The following AADACL4 variants were observed in gnomAD, a reference collection of about 807,000 sequenced individuals.
The protein encoded by AADACL4 is arylacetamide deacetylase like 4, also known as arylacetamide deacetylase-like 4.
Under a neutral mutation model 14.1 loss-of-function variants are expected in AADACL4, and 9 were observed. The ratio of observed to expected loss-of-function variants is 0.64; its 90% CI spans 0.39 to 1.12. The LOEUF is 1.12. Among genes scored for constraint, AADACL4 ranks in the 50% most tolerant of loss-of-function variants. The pLI is 0.01. For synonymous variants in AADACL4, 188 were observed against 201.6 expected, an observed-to-expected ratio of 0.93 and a Z score of 0.57; for missense variants, 531 against 516.1, an observed-to-expected ratio of 1.03 and a Z score of -0.28.
chr1:12,644,503 C>G lies in AADACL4; in HGVS notation c.-44C>G. ...GCCAGGTCCTCTTCACATAAGCTAT[C>G]AGACAAGCTCCTCAGGGCAGCAGCT... On this transcript the variant is annotated 5_prime_UTR_variant, in exon 1 of 4. The change creates a new upstream start codon in the 5' untranslated region. Coordinates refer to ENST00000376221, the MANE Select transcript of AADACL4 (RefSeq NM_001013630.2). 6.3e-7 allele frequency: 1 copy of G among 1,599,962 alleles called. No individual in the cohort carries two copies. Among genetic ancestry groups the G allele is most frequent in the South Asian group, 1.1e-5 (1 of 88,556 alleles).
At chr1:12,658,263 T>A (rs186882427) in intron 2 of AADACL4, among the ~76,000 whole-genome samples, 2 of 150,586 alleles carry the variant, frequency 1.3e-5, no homozygotes. Context: ...CCTTCCTTTT[T>A]CTTTCTTTCT....
chr1:12,665,575 C>G (rs899792264), intron 3 of AADACL4, among the ~76,000 whole-genome samples: 2 of 152,202 alleles, frequency 1.3e-5, no homozygotes, highest in Non-Finnish European at 2.9e-5. Flanking sequence ...TTCCTCTTGA[C>G]TTTAACTTTA....
intron 2 of AADACL4, among the ~76,000 whole-genome samples, chr1:12,654,498 T>C (rs892227030): frequency 1.3e-5 from 2 of 152,192 alleles, no homozygotes; most frequent in Admixed American, 6.5e-5. Context: ...TGAGTGGGTC[T>C]CCTGTTTTTC....
intron 1 of AADACL4, among the ~76,000 whole-genome samples, chr1:12,646,330 G>C (rs1408606358): frequency 6.6e-6 from 1 of 152,208 alleles, no homozygotes; most frequent in East Asian, 1.9e-4. Flanking sequence ...ATCTGGGAGG[G>C]TTAATATGTC....
chr1:12,645,798 C>A (rs1030831211), intron 1 of AADACL4, among the ~76,000 whole-genome samples: 10 of 152,190 alleles, frequency 6.6e-5, no homozygotes, highest in African/African-American at 2.2e-4. Context: ...CCCGCCTTGG[C>A]CTCCCAAAGT....
chr1:12,651,570 G>A (rs572749385), intron 2 of AADACL4, among the ~76,000 whole-genome samples: 2 of 152,156 alleles, frequency 1.3e-5, no homozygotes, highest in East Asian at 3.9e-4. Flanking sequence ...AGTCAAGATG[G>A]GGACAGCAGT....
At chr1:12,661,714 G>A in intron 2 of AADACL4, 77 bp from the exon 3 acceptor site, 1 of 1,412,084 alleles carries the variant, frequency 7.1e-7, no homozygotes, top group Non-Finnish European at 1.0e-6. Context: ...ACTGTCAGCT[G>A]GCTCTTCCTG....
At chr1:12,658,326 T>G (rs1011435223) in intron 2 of AADACL4, among the ~76,000 whole-genome samples, 3 of 151,144 alleles carry the variant, frequency 2.0e-5, no homozygotes, top group African/African-American at 4.9e-5. Flanking sequence ...TTGCACAATC[T>G]CAGCTCACTG....
chr1:12,659,927 T>C (rs1647213720), intron 2 of AADACL4, among the ~76,000 whole-genome samples: 1 of 152,206 alleles, frequency 6.6e-6, no homozygotes, highest in Non-Finnish European at 1.5e-5. Context: ...CAGGTGATCC[T>C]CCTGCCTCAG....
At chr1:12,656,832 A>G (rs906230780) in intron 2 of AADACL4, among the ~76,000 whole-genome samples, 1 of 152,078 alleles carries the variant, frequency 6.6e-6, no homozygotes, top group African/African-American at 2.4e-5. Flanking sequence ...AGGGAGGACC[A>G]TGGTGCCTCA....
rs1169741930 is a variant in AADACL4, at chr1:12,644,233, T to A, written c.-314T>A. Among the ~76,000 whole-genome samples the A allele has an allele frequency of 6.6e-6, 1 of 152,192 alleles. No individual in the cohort carries two copies. The highest frequency in any genetic ancestry group is 1.5e-5 in the Non-Finnish European group (1 of 68,008). On this transcript the variant is annotated 5_prime_UTR_variant, in exon 1 of 4. Coordinates refer to ENST00000376221, the MANE Select transcript of AADACL4 (RefSeq NM_001013630.2). The stretch of plus-strand genomic sequence containing the variant: ...CCCATATGAGATCTCTTTCTAGGGT[T>A]CCCAGGAGCCGAGGTGCCCATCTGA...
At chr1:12,655,207 T>C (rs912256199) in intron 2 of AADACL4, among the ~76,000 whole-genome samples, 4 of 152,138 alleles carry the variant, frequency 2.6e-5, no homozygotes, top group Non-Finnish European at 5.9e-5. Context: ...TAAAGCACTT[T>C]GATTTTGGGG....
chr1:12,654,285 G>GGA (rs1446957497), intron 2 of AADACL4, among the ~76,000 whole-genome samples: 2 of 152,232 alleles, frequency 1.3e-5, no homozygotes, highest in African/African-American at 4.8e-5. Context: ...AGATCTGCCT[G>GGA]GAACCAGGAG....
intron 2 of AADACL4, among the ~76,000 whole-genome samples, chr1:12,651,625 C>G (rs1265687908): frequency 6.6e-6 from 1 of 152,020 alleles, no homozygotes; most frequent in African/African-American, 2.4e-5. Flanking sequence ...CCTCTCTCCC[C>G]TTTCTACTCC....
At position 12,659,516 on chromosome 1, in the gene AADACL4, A is replaced by G. The variant is rs186530814; in HGVS notation, c.386-2275A>G. On this transcript the variant is annotated intron_variant, in intron 2 of 3. Transcript: ENST00000376221. ...ATTAATCAAGATAAGTAATATTTTA[A>G]TGCAATGTTTAAAAAAACAAATATT... 5.3e-5 allele frequency among the ~76,000 whole-genome samples: 8 copies of G among 152,332 alleles called. No individual in the cohort carries two copies. In the East Asian group the frequency reaches 1.3e-3, roughly 26 times the overall value.
intron 2 of AADACL4, among the ~76,000 whole-genome samples, chr1:12,653,302 G>A (rs1647160357): frequency 1.3e-5 from 2 of 151,948 alleles, no homozygotes; most frequent in Admixed American, 1.3e-4. Context: ...AAAACCATTT[G>A]CGTCAAGAAG....
chr1:12,653,201 T>G (rs889782869), intron 2 of AADACL4, among the ~76,000 whole-genome samples: 3 of 152,252 alleles, frequency 2.0e-5, no homozygotes, highest in Admixed American at 6.5e-5. Context: ...AGGGATTGGT[T>G]GGAATCCTTC....
Position 12,644,414 on chromosome 1 carries a change from A to T in AADACL4, c.-133A>T. On this transcript the variant is annotated 5_prime_UTR_variant, in exon 1 of 4. Transcript: ENST00000376221. The stretch of plus-strand genomic sequence containing the variant: ...TTACCCTGAGAAGCTGTGTCAGGCC[A>T]CTGTGTCAGGTGTCAGGCTTAGCCC... The T allele has an allele frequency of 9.9e-7, 1 of 1,005,496 alleles. No homozygotes were observed. The highest frequency in any genetic ancestry group is 1.4e-6 in the Non-Finnish European group (1 of 693,364). The allele number at this position is 1,005,496 out of a possible 1,614,324, so 62.3% of individuals were successfully genotyped here. A position where few individuals can be genotyped will look rare whatever the true frequency, so the allele number is the denominator to read the frequency against.
chr1:12,666,747 G>T lies in AADACL4; in HGVS notation c.*12G>T. On this transcript the variant is annotated 3_prime_UTR_variant, in exon 4 of 4. Transcript: ENST00000376221. ...TAAAGGGCATATGATAGTAACCCTG[G>T]GGCCCCGAGGAGGAAGGGGCAAGTA... The T allele has an allele frequency of 6.3e-7, 1 of 1,580,760 alleles. No homozygotes were observed. The highest frequency in any genetic ancestry group is 8.6e-7 in the Non-Finnish European group (1 of 1,168,148).
Sources: allele counts gnomAD v4.1 joint callset (sites outside exome capture counted in the v4.1 genomes callset), GRCh38; gene constraint gnomAD v4.1.1; transcripts MANE v1.5; gene names NCBI Gene and HGNC (gene_info 2026-07-23, HGNC 2026-07-21).